The following IGF1R variants were observed in gnomAD, a reference collection of about 807,000 sequenced individuals.
The protein encoded by IGF1R is insulin like growth factor 1 receptor, also known as insulin-like growth factor 1 receptor.
IGF1R carries 44 observed loss-of-function variants against 144.6 expected under a neutral mutation model. That is an observed-to-expected ratio of 0.30 (90% CI 0.24 to 0.39). IGF1R has a LOEUF of 0.39. Among genes scored for constraint, IGF1R ranks in the 10% least tolerant of loss-of-function variants. The probability of loss-of-function intolerance (pLI) is 1.00; values close to 1 mark genes in which losing one functional copy is unlikely to be tolerated. For synonymous variants in IGF1R, 795 were observed against 722.8 expected, an observed-to-expected ratio of 1.10 and a Z score of -1.60; for missense variants, 1,355 against 1,833.7, an observed-to-expected ratio of 0.74 and a Z score of 4.77.
At chr15:98,775,340 C>T (rs2055685477) in intron 2 of IGF1R, among the ~76,000 whole-genome samples, 1 of 152,148 alleles carries the variant, frequency 6.6e-6, no homozygotes, top group South Asian at 2.1e-4. Context: ...ACCTGGGGAG[C>T]TTTGACGATT....
intron 10 of IGF1R, among the ~76,000 whole-genome samples, chr15:98,917,391 A>T (rs2015302087): frequency 6.6e-6 from 1 of 152,240 alleles, no homozygotes; most frequent in Non-Finnish European, 1.5e-5. Context: ...TAAGTTTGGG[A>T]AGCAGTGTAG....
intron 1 of IGF1R, among the ~76,000 whole-genome samples, chr15:98,649,940 A>C (rs1416802351): frequency 1.3e-5 from 2 of 152,136 alleles, no homozygotes; most frequent in Admixed American, 1.3e-4. Flanking sequence ...CTGACAGCCC[A>C]GCCGTGTTTC....
At chr15:98,755,718 CAAAAAAAAAAAAAAAAAAAAAAAA>C (rs56121011) in intron 2 of IGF1R, among the ~76,000 whole-genome samples, 3 of 34,472 alleles carry the variant, frequency 8.7e-5, no homozygotes, top group Admixed American at 5.5e-4. Flanking sequence ...AACTCCATTG[CAAAAAAAAAAAAAAAAAAAAAAAA>C]AAAAAAAAAA....
intron 1 of IGF1R, among the ~76,000 whole-genome samples, chr15:98,655,351 A>G (rs981867295): frequency 3.3e-5 from 5 of 152,130 alleles, no homozygotes; most frequent in African/African-American, 9.7e-5. Flanking sequence ...TAAATGGTCA[A>G]TTTTACTCGT....
intron 2 of IGF1R, among the ~76,000 whole-genome samples, chr15:98,768,159 A>C (rs1448715786): frequency 6.6e-6 from 1 of 152,092 alleles, no homozygotes; most frequent in Non-Finnish European, 1.5e-5. Flanking sequence ...TCTCATGTAC[A>C]CCCTCAGGAC....
intron 13 of IGF1R, among the ~76,000 whole-genome samples, chr15:98,927,483 T>C (rs1234082323): frequency 6.6e-6 from 1 of 152,256 alleles, no homozygotes; most frequent in East Asian, 1.9e-4. Flanking sequence ...TTAATCATTT[T>C]TGTTATTCTC....
chr15:98,726,930 A>G (rs1197748789), intron 2 of IGF1R, among the ~76,000 whole-genome samples: 1 of 151,956 alleles, frequency 6.6e-6, no homozygotes, highest in African/African-American at 2.4e-5. Flanking sequence ...CATGTTGGCC[A>G]GGCAGGTCTC....
chr15:98,870,614 G>C (rs1362300816), intron 2 of IGF1R, among the ~76,000 whole-genome samples: 1 of 152,220 alleles, frequency 6.6e-6, no homozygotes, highest in African/African-American at 2.4e-5. Context: ...GCATGTGTGT[G>C]TGTGTTTGTG....
At chr15:98,818,109 A>G (rs535676816) in intron 2 of IGF1R, among the ~76,000 whole-genome samples, 1 of 152,104 alleles carries the variant, frequency 6.6e-6, no homozygotes, top group Admixed American at 6.5e-5. Context: ...TCAGGGTCTC[A>G]CCCTTATGAC....
chr15:98,653,717 T>C (rs2052422376), intron 1 of IGF1R, among the ~76,000 whole-genome samples: 2 of 152,232 alleles, frequency 1.3e-5, no homozygotes, highest in Admixed American at 6.5e-5. Context: ...GAATAATTGT[T>C]GTTTACATTT....
intron 2 of IGF1R, among the ~76,000 whole-genome samples, chr15:98,820,700 G>T (rs933084661): frequency 2.1e-4 from 32 of 152,172 alleles, no homozygotes; most frequent in East Asian, 3.8e-4. Flanking sequence ...TAAGTTAAAT[G>T]ATTTTACACA....
chr15:98,867,530 CT>C (rs2012520635), intron 2 of IGF1R, among the ~76,000 whole-genome samples: 1 of 152,210 alleles, frequency 6.6e-6, no homozygotes, highest in East Asian at 1.9e-4. Flanking sequence ...GTGTGGGCCT[CT>C]TGGCTGGAAG....
rs1285343143 is a variant in IGF1R, at chr15:98,922,225, C to G, written c.2279C>G (p.Ala760Gly). ...AGCCGAAGCAGGAACACCACGGCCG[C>G]AGACACCTACAACATCACCGACCCG... ...MSSRSRNTTA[A>G]DTYNITDPEE... Residue 760 changes from alanine (A) to glycine (G), a missense_variant, in exon 11 of 21, where the codon GCA becomes GGA. Physicochemically the swap from Ala to Gly is moderately conservative, Grantham distance 60. Around this residue, in one of 7 missense-constraint regions of IGF1R, gnomAD observed 880 missense variants for 1,202.7 expected, o/e 0.73. Transcript: ENST00000650285. The G allele has an allele frequency of 1.2e-6, 2 of 1,614,216 alleles. No individual in the cohort carries two copies. Among genetic ancestry groups the G allele is most frequent in the Non-Finnish European group, 1.7e-6 (2 of 1,180,034 alleles).
chr15:98,694,953 G>A (rs989971109), intron 1 of IGF1R, among the ~76,000 whole-genome samples: 1 of 152,206 alleles, frequency 6.6e-6, no homozygotes, highest in Non-Finnish European at 1.5e-5. Context: ...GCAGTTGCCT[G>A]ATGAAGTGGA....
Position 98,899,473 on chromosome 15 carries a change from G to A in IGF1R, c.1103-4G>A, listed in dbSNP as rs1325999269. On this transcript the variant is annotated splice_region_variant and splice_polypyrimidine_tract_variant and intron_variant, in intron 4 of 20. Transcript: ENST00000650285. ...CACAGTGACACAATCCCCTTTCAAT[G>A]TAGATAACATTGCTTCAGAGCTGGA... is the stretch of plus-strand genomic sequence containing the variant. The A allele has an allele frequency of 1.2e-6, 2 of 1,614,100 alleles. No homozygotes were observed. Among genetic ancestry groups the A allele is most frequent in the East Asian group, 4.5e-5 (2 of 44,882 alleles).
intron 2 of IGF1R, among the ~76,000 whole-genome samples, chr15:98,764,580 G>T (rs748682672): frequency 6.6e-6 from 1 of 152,160 alleles, no homozygotes; most frequent in African/African-American, 2.4e-5. Flanking sequence ...TAAGTACTGT[G>T]AAGCATTTTC....
Position 98,911,360 on chromosome 15 carries a change from A to C in IGF1R, c.1508A>C (p.Asn503Thr). Residue 503 changes from asparagine (N) to threonine (T), a missense_variant, in exon 7 of 21, where the codon AAT (asparagine) becomes ACT (threonine). Physicochemically the swap from Asn to Thr is moderately conservative, Grantham distance 65. Transcript: ENST00000650285. ...TTCACCTCCACCACCACGTCGAAGA[A>C]TCGCATCATCATAACCTGGCACCGG... ...LHFTSTTTSK[N>T]RIIITWHRYR... The C allele has an allele frequency of 6.2e-7, 1 of 1,614,204 alleles. No individual in the cohort carries two copies. The highest frequency in any genetic ancestry group is 8.5e-7 in the Non-Finnish European group (1 of 1,180,042).
At chr15:98,664,222 C>T (rs1314921392) in intron 1 of IGF1R, among the ~76,000 whole-genome samples, 1 of 152,136 alleles carries the variant, frequency 6.6e-6, no homozygotes, top group Non-Finnish European at 1.5e-5. Flanking sequence ...AGAAAGCAGG[C>T]CTTCTCCCTT....
rs1017078373 is a variant in IGF1R at position 98,934,681 on chromosome 15, A to C, written c.2957-143A>C. On this transcript the variant is annotated intron_variant, in intron 15 of 20. Coordinates refer to ENST00000650285, the MANE Select transcript of IGF1R (RefSeq NM_000875.5). ...AATCTATAGCATGTGGAAAGTTGACATCAAGCCATGCCATCGCCTCCTGGT... is the reference window on the plus strand; with the variant it reads ...AATCTATAGCATGTGGAAAGTTGACCTCAAGCCATGCCATCGCCTCCTGGT... 2.6e-5 allele frequency: 19 copies of C among 730,412 alleles called. No individual in the cohort carries two copies. In the East Asian group the frequency reaches 5.1e-4, roughly 20 times the overall value. 45.2% of individuals were successfully genotyped at this position (730,412 alleles called of 1,614,324 possible).
Sources: allele counts gnomAD v4.1 joint callset (sites outside exome capture counted in the v4.1 genomes callset), GRCh38; gene constraint gnomAD v4.1.1; regional missense constraint gnomAD v4.1.1; transcripts MANE v1.5; gene names NCBI Gene and HGNC (gene_info 2026-07-23, HGNC 2026-07-21).